The following APIP variants were observed in gnomAD, a reference collection of about 807,000 sequenced individuals.
The protein encoded by APIP is APAF1 interacting protein.
APIP carries 32 observed loss-of-function variants against 32.0 expected under a neutral mutation model. The observed-to-expected ratio is 1.00, with a 90% confidence interval of 0.76 to 1.34. The LOEUF is 1.34. Among genes scored for constraint, APIP ranks in the 40% most tolerant of loss-of-function variants. The pLI, the probability that APIP is intolerant of heterozygous loss-of-function variation, is 0.00. For synonymous variants in APIP, 92 were observed against 94.8 expected (o/e 0.97, Z 0.17); for missense variants, 247 against 298.6 (o/e 0.83, Z 1.27).
chr11:34,885,806 T>G (rs1175143524), intron 5 of APIP, among the ~76,000 whole-genome samples: 1 of 152,174 alleles, frequency 6.6e-6, no homozygotes, highest in East Asian at 1.9e-4. Flanking sequence ...AGTGGAATGC[T>G]GAGTTGATCA....
intron 1 of APIP, among the ~76,000 whole-genome samples, chr11:34,905,016 G>T (rs1409826954): frequency 1.3e-5 from 2 of 152,134 alleles, no homozygotes; most frequent in Non-Finnish European, 2.9e-5. Context: ...ACTTCTTTTT[G>T]ATGGAAATTA....
intron 5 of APIP, among the ~76,000 whole-genome samples, chr11:34,887,195 G>A (rs1337414386): frequency 4.3e-5 from 4 of 93,324 alleles, no homozygotes; most frequent in Non-Finnish European, 1.1e-4. Flanking sequence ...CCACAAAATT[G>A]CAAAGACTCT....
chr11:34,890,405 C>T (rs1853166248), intron 3 of APIP, 99 bp downstream of exon 3: 1 of 1,155,536 alleles, frequency 8.7e-7, no homozygotes, highest in African/African-American at 1.6e-5. Flanking sequence ...ATTCAAATTG[C>T]TATGATAAAA....
chr11:34,899,228 A>T (rs921119716), intron 1 of APIP, among the ~76,000 whole-genome samples: 1 of 152,190 alleles, frequency 6.6e-6, no homozygotes, highest in Admixed American at 6.5e-5. Flanking sequence ...AATCTTCATG[A>T]GGCACATTTT....
chr11:34,898,786 GTTTTTTTTTTT>G (rs57593563), intron 1 of APIP, among the ~76,000 whole-genome samples: 4 of 55,166 alleles, frequency 7.3e-5, no homozygotes, highest in Admixed American at 2.7e-4. Context: ...TCTTTCTTTG[GTTTTTTTTTTT>G]TTTTTTTTTT....
chr11:34,916,240 T>A lies in APIP; in HGVS notation c.45A>T (p.Arg15Ser). 1 of 1,612,152 alleles carries A rather than the reference T, an allele frequency of 6.2e-7. No homozygotes were observed. The highest frequency in any genetic ancestry group is 1.1e-5 in the South Asian group (1 of 90,918). Residue 15 changes from arginine (R) to serine (S), a missense_variant, in exon 1 of 7, where the codon AGA becomes AGT. Coordinates refer to ENST00000395787, the MANE Select transcript of APIP (RefSeq NM_015957.4). ...GCCCCGCCCCTACCTGCGCGCCGCA[T>A]CTCCGGGAACAACAGTCTCCCTCCC... is the stretch of plus-strand genomic sequence containing the variant. Reference protein sequence around the residue: ...DAREGDCCSRRCGAQDKEHPR... With the variant: ...DAREGDCCSRSCGAQDKEHPR...
At chr11:34,907,482 C>G (rs561817139) in intron 1 of APIP, among the ~76,000 whole-genome samples, 4 of 152,322 alleles carry the variant, frequency 2.6e-5, no homozygotes, top group African/African-American at 9.6e-5. Context: ...GCTGTTAATA[C>G]ATTTTCAATC....
intron 3 of APIP, among the ~76,000 whole-genome samples, chr11:34,889,987 A>G (rs546909283): frequency 3.6e-5 from 4 of 112,014 alleles, no homozygotes; most frequent in East Asian, 6.2e-4. Context: ...TTATTAACAA[A>G]GCAGCTTTTC....
intron 1 of APIP, among the ~76,000 whole-genome samples, chr11:34,910,470 G>A (rs1234270299): frequency 2.0e-5 from 3 of 152,154 alleles, no homozygotes; most frequent in Non-Finnish European, 2.9e-5. Context: ...ACATGCTAAC[G>A]GGTAACATGA....
At chr11:34,891,048 T>G (rs1252659047) in intron 2 of APIP, among the ~76,000 whole-genome samples, 1 of 152,142 alleles carries the variant, frequency 6.6e-6, no homozygotes, top group Non-Finnish European at 1.5e-5. Flanking sequence ...GCTGGACAGT[T>G]TCTTAAATTA....
intron 1 of APIP, among the ~76,000 whole-genome samples, chr11:34,902,578 G>A (rs1053323580): frequency 3.3e-5 from 5 of 152,150 alleles, no homozygotes; most frequent in Non-Finnish European, 5.9e-5. Flanking sequence ...GCAACTAAGA[G>A]GATTTTGGGG....
At chr11:34,907,627 T>C (rs1590714101) in intron 1 of APIP, among the ~76,000 whole-genome samples, 2 of 152,288 alleles carry the variant, frequency 1.3e-5, no homozygotes, top group East Asian at 1.9e-4. Flanking sequence ...TTAACAAGAA[T>C]TGACAAGAAG....
At chr11:34,897,985 G>T (rs1422481915) in intron 1 of APIP, among the ~76,000 whole-genome samples, 1 of 152,000 alleles carries the variant, frequency 6.6e-6, no homozygotes, top group African/African-American at 2.4e-5. Context: ...TCTCTGTACA[G>T]GGGAGCTTCT....
rs146420175 is a variant in APIP at position 34,916,234 on chromosome 11, G to T, written c.51C>A (p.Gly17=). The T allele has an allele frequency of 1.2e-6, 2 of 1,611,756 alleles. No homozygotes were observed. The highest frequency in any genetic ancestry group is 1.7e-6 in the Non-Finnish European group (2 of 1,179,358). ...REGDCCSRRC[G]AQDKEHPRYL... ...CCGGTGGCCCCGCCCCTACCTGCGC[G>T]CCGCATCTCCGGGAACAACAGTCTC... The change falls in exon 1 of 7, where the codon GGC becomes GGA. Residue 17 remains glycine, a synonymous_variant. Transcript: ENST00000395787.
At chr11:34,913,827 G>A (rs1309781806) in intron 1 of APIP, among the ~76,000 whole-genome samples, 1 of 152,156 alleles carries the variant, frequency 6.6e-6, no homozygotes, top group East Asian at 1.9e-4. Flanking sequence ...GCCGATTGGT[G>A]CATTTACAAT....
chr11:34,887,865 A>T (rs931722377), intron 5 of APIP, among the ~76,000 whole-genome samples: 51 of 152,156 alleles, frequency 3.4e-4, no homozygotes, highest in African/African-American at 1.1e-3. Flanking sequence ...CTACTTTATT[A>T]AAAAAACTTA....
At chr11:34,915,938 G>A (rs887127296) in intron 1 of APIP, 3 of 522,580 alleles carry the variant, frequency 5.7e-6, no homozygotes, top group Non-Finnish European at 1.0e-5. Flanking sequence ...ATAAATACCC[G>A]GTGAGGTCAC....
intron 1 of APIP, among the ~76,000 whole-genome samples, chr11:34,907,923 C>CTACT (rs1316492351): frequency 1.3e-5 from 2 of 152,120 alleles, no homozygotes; most frequent in African/African-American, 4.8e-5. Context: ...CTCCGAGATA[C>CTACT]TACTCACAGC....
chr11:34,886,052 C>A (rs1853065261), intron 5 of APIP, among the ~76,000 whole-genome samples: 1 of 148,030 alleles, frequency 6.8e-6, no homozygotes, highest in African/African-American at 2.4e-5. Flanking sequence ...AATTTTAAAA[C>A]ACTATTTTAG....
Sources: gnomAD v4.1 joint callset for allele counts (sites outside exome capture counted in the v4.1 genomes callset) on GRCh38, gnomAD v4.1.1 for gene constraint, MANE v1.5 for transcripts, NCBI Gene and HGNC (gene_info 2026-07-23, HGNC 2026-07-21) for gene names.